SCHIP1: variants seen among roughly 807,000 people sequenced by gnomAD.
The protein encoded by SCHIP1 is schwannomin interacting protein 1, also known as schwannomin-interacting protein 1.
Under a neutral mutation model 29.7 loss-of-function variants are expected in SCHIP1, and 8 were observed. The observed-to-expected ratio is 0.27, with a 90% CI of 0.16 to 0.49. The LOEUF (loss-of-function observed/expected upper bound fraction) is 0.49. SCHIP1 is among the 20% of genes least tolerant of loss of function. The probability of loss-of-function intolerance (pLI) is 0.99; values close to 1 mark genes in which losing one functional copy is unlikely to be tolerated. For synonymous variants in SCHIP1, 76 were observed against 94.9 expected (o/e 0.80, Z 1.16); for missense variants, 193 against 294.6 (o/e 0.66, Z 2.52).
chr3:159,274,268 A>T, the SCHIP1 span: 6 of 985,360 alleles, frequency 6.1e-6, no homozygotes, highest in Non-Finnish European at 7.2e-6. Context: ...GTAGTTCCTG[A>T]TTTGTACAGT....
At chr3:159,453,019 T>TA in the SCHIP1 span, among the ~76,000 whole-genome samples, 2 of 151,980 alleles carry the variant, frequency 1.3e-5, no homozygotes, top group African/African-American at 4.8e-5. Flanking sequence ...ATTGGGCTTC[T>TA]AAAAAAAACT....
chr3:159,601,917 G>A, the SCHIP1 span, among the ~76,000 whole-genome samples: 1 of 152,188 alleles, frequency 6.6e-6, no homozygotes, highest in Non-Finnish European at 1.5e-5. Context: ...ATTGTTCCGA[G>A]AGCAGAATGC....
chr3:159,713,256 GAAAGAAAGA>G, the SCHIP1 span, among the ~76,000 whole-genome samples: 1 of 147,264 alleles, frequency 6.8e-6, no homozygotes, highest in African/African-American at 2.5e-5. Context: ...AAGAAAGAAA[GAAAGAAAGA>G]AAGAAAGAAA....
At chr3:159,843,358 C>T (rs1451987719) in intron 1 of SCHIP1, among the ~76,000 whole-genome samples, 1 of 151,938 alleles carries the variant, frequency 6.6e-6, no homozygotes, top group Non-Finnish European at 1.5e-5. Flanking sequence ...TTATTTATCG[C>T]CATTTATCAT....
At chr3:159,679,434 A>T in the SCHIP1 span, among the ~76,000 whole-genome samples, 2 of 152,204 alleles carry the variant, frequency 1.3e-5, no homozygotes, top group African/African-American at 2.4e-5. Context: ...TAGATGAAGT[A>T]ATTTTACAGT....
chr3:159,501,364 A>G, the SCHIP1 span, among the ~76,000 whole-genome samples: 1 of 152,352 alleles, frequency 6.6e-6, no homozygotes, highest in African/African-American at 2.4e-5. Flanking sequence ...GACAGATTTA[A>G]TTCCTTTACA....
the SCHIP1 span, among the ~76,000 whole-genome samples, chr3:159,708,128 T>A: frequency 6.6e-6 from 1 of 152,126 alleles, no homozygotes; most frequent in Non-Finnish European, 1.5e-5. Flanking sequence ...CCAAAACTCC[T>A]GAGTCAGGAA....
At chr3:159,293,227 A>G in the SCHIP1 span, among the ~76,000 whole-genome samples, 1 of 152,182 alleles carries the variant, frequency 6.6e-6, no homozygotes, top group African/African-American at 2.4e-5. Context: ...ATTATCTTTG[A>G]AGTTCTTTGT....
At chr3:159,488,393 T>C in the SCHIP1 span, among the ~76,000 whole-genome samples, 1 of 152,236 alleles carries the variant, frequency 6.6e-6, no homozygotes, top group Admixed American at 6.5e-5. Flanking sequence ...CCATTTACCC[T>C]GATGTGATTG....
the SCHIP1 span, among the ~76,000 whole-genome samples, chr3:159,446,121 C>A: frequency 6.6e-6 from 1 of 152,056 alleles, no homozygotes; most frequent in East Asian, 1.9e-4. Context: ...CCCTTTAGGC[C>A]GGTGGTTTGC....
the SCHIP1 span, among the ~76,000 whole-genome samples, chr3:159,735,084 ATAGTCT>A: frequency 6.6e-6 from 1 of 152,024 alleles, no homozygotes; most frequent in Non-Finnish European, 1.5e-5. Context: ...AAATTACTCC[ATAGTCT>A]TAAAGAACAA....
chr3:159,398,430 G>T, the SCHIP1 span, among the ~76,000 whole-genome samples: 1 of 152,194 alleles, frequency 6.6e-6, no homozygotes, highest in African/African-American at 2.4e-5. Flanking sequence ...GAAGGTTCTG[G>T]TAGGTCAGGG....
chr3:159,772,727 G>A, the SCHIP1 span, among the ~76,000 whole-genome samples: 1 of 152,132 alleles, frequency 6.6e-6, no homozygotes, highest in African/African-American at 2.4e-5. Context: ...CTGTGATGTT[G>A]CATTTGCATT....
At chr3:159,865,560 G>A (rs549214038) in intron 1 of SCHIP1, among the ~76,000 whole-genome samples, 2 of 152,308 alleles carry the variant, frequency 1.3e-5, no homozygotes, top group East Asian at 1.9e-4. Flanking sequence ...TCTAAAACCT[G>A]GTGAGATGAG....
chr3:159,505,520 C>T, the SCHIP1 span, among the ~76,000 whole-genome samples: 9 of 152,082 alleles, frequency 5.9e-5, no homozygotes, highest in South Asian at 6.2e-4. Context: ...ACGTGCACAA[C>T]GTGCAGGTTT....
the SCHIP1 span, among the ~76,000 whole-genome samples, chr3:159,709,559 T>G: frequency 6.6e-6 from 1 of 152,246 alleles, no homozygotes; most frequent in Non-Finnish European, 1.5e-5. Context: ...CCATTTGATT[T>G]ACACAGAAAT....
At chr3:159,850,859 C>T (rs571524503) in intron 1 of SCHIP1, among the ~76,000 whole-genome samples, 23 of 152,346 alleles carry the variant, frequency 1.5e-4, no homozygotes, top group Admixed American at 1.5e-3. Flanking sequence ...AGTCACCTCA[C>T]ACCAGGCCCT....
At chr3:159,728,327 A>G in the SCHIP1 span, among the ~76,000 whole-genome samples, 6 of 152,136 alleles carry the variant, frequency 3.9e-5, no homozygotes, top group African/African-American at 1.4e-4. Context: ...ATATTGTCCA[A>G]GTTCCAAAAG....
the SCHIP1 span, among the ~76,000 whole-genome samples, chr3:159,630,048 G>A: frequency 1.3e-5 from 2 of 152,152 alleles, no homozygotes; most frequent in African/African-American, 4.8e-5. Flanking sequence ...AAAGACAGTG[G>A]CAGCCAAAGA....
Sources: gnomAD v4.1 joint callset for allele counts (sites outside exome capture counted in the v4.1 genomes callset) on GRCh38, gnomAD v4.1.1 for gene constraint, MANE v1.5 for transcripts, NCBI Gene and HGNC (gene_info 2026-07-23, HGNC 2026-07-21) for gene names.